BCAS1: variants seen among roughly 807,000 people sequenced by gnomAD.
BCAS1 encodes brain enriched myelin associated protein 1.
BCAS1 carries 46 observed loss-of-function variants against 65.4 expected under a neutral mutation model. That is an observed-to-expected ratio of 0.70 (90% CI 0.55 to 0.90). The LOEUF (loss-of-function observed/expected upper bound fraction) is 0.90. Ranked by LOEUF, BCAS1 falls within the 40% of genes least tolerant of loss-of-function variation. The pLI is 0.00. For synonymous variants in BCAS1, 298 were observed against 293.5 expected (o/e 1.02, Z -0.16); for missense variants, 793 against 771.2 (o/e 1.03, Z -0.33).
chr20:53,995,677 T>C (rs1261723825), intron 5 of BCAS1, among the ~76,000 whole-genome samples: 2 of 152,184 alleles, frequency 1.3e-5, no homozygotes, highest in Non-Finnish European at 2.9e-5. Context: ...CATCCACTGC[T>C]TATACCATGG....
intron 1 of BCAS1, among the ~76,000 whole-genome samples, chr20:54,062,522 T>C (rs66470134): frequency 0.14 from 21,135 of 152,208 alleles, 1,940 homozygotes; most frequent in East Asian, 0.32. Flanking sequence ...TTAACAAGTT[T>C]TAAAATTATT....
intron 9 of BCAS1, among the ~76,000 whole-genome samples, chr20:53,968,807 G>T (rs208392): frequency 0.011 from 1,601 of 152,294 alleles, 24 homozygotes; most frequent in African/African-American, 0.037. Flanking sequence ...CCCATCTAAA[G>T]ATGTTAAATG....
chr20:53,954,294 G>GGGGAGAGAGAGAGAGAGA (rs2089628366), intron 11 of BCAS1, among the ~76,000 whole-genome samples: 1 of 125,844 alleles, frequency 7.9e-6, no homozygotes, highest in Non-Finnish European at 1.6e-5. Context: ...GCTGAGAAAT[G>GGGGAGAGAGAGAGAGAGA]GAGAGAGAGA....
chr20:54,036,858 T>G (rs921776969), intron 3 of BCAS1, among the ~76,000 whole-genome samples: 3 of 151,470 alleles, frequency 2.0e-5, no homozygotes, highest in African/African-American at 7.3e-5. Context: ...AAAACAGTAG[T>G]GATATAAATC....
At chr20:54,051,730 TTGTTGTTG>T (rs1790778966) in intron 3 of BCAS1, among the ~76,000 whole-genome samples, 17 of 81,714 alleles carry the variant, frequency 2.1e-4, no homozygotes, top group Admixed American at 1.8e-3. Context: ...TTTTTGTTTG[TTGTTGTTG>T]TTGTTGTTGT....
chr20:53,979,269 CA>C (rs1346382593), intron 8 of BCAS1, among the ~76,000 whole-genome samples: 1 of 152,084 alleles, frequency 6.6e-6, no homozygotes. Context: ...GAGAATTTAC[CA>C]GGAGCAATAA....
At chr20:54,067,564 TG>T (rs2146388301) in intron 1 of BCAS1, among the ~76,000 whole-genome samples, 1 of 152,322 alleles carries the variant, frequency 6.6e-6, no homozygotes, top group East Asian at 1.9e-4. Context: ...ATGAGTGAAT[TG>T]GCCTCCTGGA....
At chr20:53,957,591 C>A in intron 10 of BCAS1, 94 bp from the exon 11 acceptor site, 4 of 1,217,272 alleles carry the variant, frequency 3.3e-6, no homozygotes, top group Non-Finnish European at 4.9e-6. Flanking sequence ...AGTCATTTAT[C>A]ATTGAGGTTT....
chr20:53,958,468 A>G (rs558309957), intron 10 of BCAS1, among the ~76,000 whole-genome samples: 73 of 152,078 alleles, frequency 4.8e-4, no homozygotes, highest in Non-Finnish European at 7.8e-4. Context: ...AAAGAGGAAG[A>G]CTCCAGATTC....
At chr20:54,031,086 A>T (rs1028159255) in intron 3 of BCAS1, among the ~76,000 whole-genome samples, 1 of 151,346 alleles carries the variant, frequency 6.6e-6, no homozygotes, top group Admixed American at 6.6e-5. Context: ...AAATGCCAAG[A>T]GCACCAACTT....
rs146978335 is a variant in BCAS1 at position 54,037,407 on chromosome 20, C to T, written c.143-8435G>A. Among the ~76,000 whole-genome samples, 19 of 151,512 alleles carry T rather than the reference C, an allele frequency of 1.3e-4. 1 individual carries two copies. The highest frequency in any genetic ancestry group is 2.5e-4 in the Non-Finnish European group (17 of 67,664). On this transcript the variant is annotated intron_variant, in intron 3 of 12. Coordinates refer to ENST00000688948, the MANE Select transcript of BCAS1 (RefSeq NM_001366298.2). ...CACCTCCACCTGGTCTCTCCCTTGA[C>T]ACGTGGGGATTATGGGGATTAAATT...
chr20:54,012,950 A>G (rs1213063419), intron 4 of BCAS1, among the ~76,000 whole-genome samples: 1 of 152,190 alleles, frequency 6.6e-6, no homozygotes, highest in African/African-American at 2.4e-5. Context: ...TGTTTACTCA[A>G]ATATTATCTT....
At chr20:53,962,936 T>G (rs6127036) in intron 10 of BCAS1, among the ~76,000 whole-genome samples, 1 of 151,892 alleles carries the variant, frequency 6.6e-6, no homozygotes, top group Non-Finnish European at 1.5e-5. Context: ...CTGCAAGCTC[T>G]GCCTCCCGGA....
rs373877569 is a variant in BCAS1 at position 54,028,922 on chromosome 20, C to T, written c.193G>A (p.Glu65Lys). The change falls in exon 4 of 13, where the codon GAG becomes AAG. Residue 65 changes from glutamate (E) to lysine (K), a missense_variant. Glu to Lys is a moderately conservative substitution (Grantham distance 56). Transcript: ENST00000688948. ...KTDNVATSSPETTEISAVADA... is the reference protein window; with the variant it reads ...KTDNVATSSPKTTEISAVADA... The stretch of plus-strand genomic sequence containing the variant: ...GCAACAGCACTTATCTCCGTTGTCT[C>T]GGGGGAAGAAGTGGCCACATTATCC... The T allele has an allele frequency of 2.5e-5, 40 of 1,613,900 alleles. No homozygotes were observed. In the African/African-American group the frequency reaches 2.7e-4, roughly 11 times the overall value.
chr20:54,068,637 G>A (rs1026262628), intron 1 of BCAS1, among the ~76,000 whole-genome samples: 2 of 152,052 alleles, frequency 1.3e-5, no homozygotes, highest in East Asian at 3.9e-4. Flanking sequence ...TCTCACGAAC[G>A]TCACCTCCAT....
At chr20:53,965,950 C>T (rs1262009897) in intron 10 of BCAS1, among the ~76,000 whole-genome samples, 1 of 151,434 alleles carries the variant, frequency 6.6e-6, no homozygotes, top group African/African-American at 2.4e-5. Context: ...TTGGACGCAA[C>T]CACAATTAAA....
intron 1 of BCAS1, among the ~76,000 whole-genome samples, chr20:54,067,173 GA>G (rs2092454455): frequency 6.6e-6 from 1 of 152,172 alleles, no homozygotes; most frequent in Non-Finnish European, 1.5e-5. Context: ...TCAGGTGTTT[GA>G]GACCATCCTG....
At chr20:54,016,610 C>G (rs996549457) in intron 4 of BCAS1, among the ~76,000 whole-genome samples, 2 of 152,140 alleles carry the variant, frequency 1.3e-5, no homozygotes, top group Admixed American at 6.5e-5. Context: ...TGCATACTGC[C>G]AAAGCGCCAC....
chr20:54,023,482 G>A (rs1394010615), intron 4 of BCAS1, among the ~76,000 whole-genome samples: 3 of 152,244 alleles, frequency 2.0e-5, no homozygotes, highest in Non-Finnish European at 4.4e-5. Flanking sequence ...CTTAAAATGC[G>A]AGAGGGATTC....
Sources: gnomAD v4.1 joint callset for allele counts (sites outside exome capture counted in the v4.1 genomes callset) on GRCh38, gnomAD v4.1.1 for gene constraint, MANE v1.5 for transcripts, NCBI Gene and HGNC (gene_info 2026-07-23, HGNC 2026-07-21) for gene names.